Variants in CCDC3 observed in about 807,000 individuals in gnomAD.
CCDC3 encodes coiled-coil domain-containing protein 3.
CCDC3 carries 24 observed loss-of-function variants against 21.4 expected under a neutral mutation model. The observed-to-expected ratio is 1.12, with a 90% CI of 0.81 to 1.58. The LOEUF (loss-of-function observed/expected upper bound fraction) is 1.58, where lower values mean the gene tolerates loss of function less well. Among genes scored for constraint, CCDC3 ranks in the 40% most tolerant of loss-of-function variants. The probability of loss-of-function intolerance (pLI) is 0.00; values close to 1 mark genes in which losing one functional copy is unlikely to be tolerated. For synonymous variants in CCDC3, 186 were observed against 166.0 expected, an observed-to-expected ratio of 1.12 and a Z score of -0.93; for missense variants, 425 against 360.9, an observed-to-expected ratio of 1.18 and a Z score of -1.44.
chr10:12,990,446 A>T (rs1835664465), intron 2 of CCDC3, among the ~76,000 whole-genome samples: 1 of 152,224 alleles, frequency 6.6e-6, no homozygotes, highest in Non-Finnish European at 1.5e-5. Flanking sequence ...TTTCTTCATG[A>T]AACACTATTT....
In CCDC3 at chr10:12,913,220, C is replaced by CAT. The variant is rs1564280874; in HGVS notation, c.550-14542_550-14541insAT. On this transcript the variant is annotated intron_variant, in intron 2 of 2. Coordinates refer to ENST00000378825, the MANE Select transcript of CCDC3 (RefSeq NM_031455.4). Reference sequence around the variant, plus strand: ...ACAATATTCTTCTAATCTATGAGCACAGGATATCTTCCCATTTATTTGTAT... The same window carrying CAT: ...ACAATATTCTTCTAATCTATGAGCACATAGGATATCTTCCCATTTATTTGTAT... Among the ~76,000 whole-genome samples the CAT allele has an allele frequency of 1.5e-4, 23 of 152,180 alleles. No homozygotes were observed. The East Asian group carries it at 4.1e-3, about 27-fold the overall frequency.
intron 2 of CCDC3, among the ~76,000 whole-genome samples, chr10:12,970,715 G>C (rs560352020): frequency 6.6e-6 from 1 of 152,092 alleles, no homozygotes; most frequent in East Asian, 1.9e-4. Context: ...GTGAAACCCT[G>C]TCTTTACCAA....
intron 4 of CCDC3, among the ~76,000 whole-genome samples, chr10:13,060,155 A>G (rs1294300082): frequency 2.2e-5 from 2 of 90,100 alleles, no homozygotes; most frequent in Non-Finnish European, 4.6e-5. Flanking sequence ...CATCAGAAAC[A>G]AAACAAAACA....
intron 2 of CCDC3, among the ~76,000 whole-genome samples, chr10:12,967,507 T>C (rs914944797): frequency 2.0e-5 from 3 of 151,952 alleles, no homozygotes; most frequent in Non-Finnish European, 4.4e-5. Flanking sequence ...ATTCTGGAGC[T>C]GAAAAATACA....
intron 5 of CCDC3, among the ~76,000 whole-genome samples, chr10:13,024,827 G>A (rs577596044): frequency 7.2e-5 from 11 of 152,214 alleles, no homozygotes; most frequent in Non-Finnish European, 1.0e-4. Flanking sequence ...CAAGGCAACC[G>A]TTCTGTTACT....
chr10:13,015,649 C>T (rs975626094), intron 5 of CCDC3, among the ~76,000 whole-genome samples: 2 of 152,024 alleles, frequency 1.3e-5, no homozygotes, highest in African/African-American at 4.8e-5. Flanking sequence ...ATTAAATCAA[C>T]CCAAACTCAT....
At chr10:13,006,418 A>G (rs1038661241), upstream of CCDC3, among the ~76,000 whole-genome samples, 1 of 152,226 alleles carries the variant, frequency 6.6e-6, no homozygotes, top group Admixed American at 6.5e-5. Flanking sequence ...GTCTTCAGTC[A>G]TTCTTCAAGA....
intron 2 of CCDC3, among the ~76,000 whole-genome samples, chr10:12,972,865 G>C (rs116799365): frequency 0.032 from 4,930 of 152,226 alleles, 281 homozygotes; most frequent in African/African-American, 0.11. Flanking sequence ...AACCAGTTTG[G>C]TGTGGTTTCT....
chr10:13,048,904 T>A (rs1054551156), intron 5 of CCDC3, among the ~76,000 whole-genome samples: 3 of 152,206 alleles, frequency 2.0e-5, no homozygotes, highest in Admixed American at 6.5e-5. Flanking sequence ...GTCTTTTTTT[T>A]AATCATCTGG....
At chr10:12,899,056 G>A (rs1403371874) in intron 2 of CCDC3, among the ~76,000 whole-genome samples, 1 of 152,096 alleles carries the variant, frequency 6.6e-6, no homozygotes, top group African/African-American at 2.4e-5. Flanking sequence ...GAGTCAGGTG[G>A]CCTAATTAAC....
At chr10:13,040,277 C>G (rs938585414) in intron 5 of CCDC3, among the ~76,000 whole-genome samples, 1 of 152,100 alleles carries the variant, frequency 6.6e-6, no homozygotes, top group African/African-American at 2.4e-5. Flanking sequence ...TTAAATTCCA[C>G]GAAGAATTTA....
Position 12,898,309 on chromosome 10 carries a change from A to G in CCDC3, c.*107T>C. ...TTTAGACTCTACCAAATGCGTGATT[A>G]AAAACAAAAACTCTTACAACCCTTG... On this transcript the variant is annotated 3_prime_UTR_variant, in exon 3 of 3. Transcript: ENST00000378825. 1 of 1,254,582 alleles carries G rather than the reference A, an allele frequency of 8.0e-7. No homozygotes were observed. The highest frequency in any genetic ancestry group is 2.5e-5 in the East Asian group (1 of 39,630). 77.7% of individuals were successfully genotyped at this position (1,254,582 alleles called of 1,614,324 possible).
At chr10:13,033,075 A>G (rs1589045988) in intron 5 of CCDC3, among the ~76,000 whole-genome samples, 1 of 152,226 alleles carries the variant, frequency 6.6e-6, no homozygotes, top group Non-Finnish European at 1.5e-5. Context: ...GCATCATGCT[A>G]CCTGACTTCA....
At chr10:13,075,268 G>A (rs904241725) in intron 3 of CCDC3, among the ~76,000 whole-genome samples, 12 of 152,166 alleles carry the variant, frequency 7.9e-5, no homozygotes, top group African/African-American at 2.9e-4. Context: ...ACAACTTTTT[G>A]TTTTGCGTAT....
At chr10:13,001,107 C>T in intron 1 of CCDC3, 90 bp downstream of exon 1, 9 of 1,459,062 alleles carry the variant, frequency 6.2e-6, no homozygotes, top group Non-Finnish European at 8.2e-6. Flanking sequence ...ACAGGCTGCC[C>T]GGGGAGTTAC....
At chr10:12,986,580 C>G (rs966311933) in intron 2 of CCDC3, among the ~76,000 whole-genome samples, 4 of 152,154 alleles carry the variant, frequency 2.6e-5, no homozygotes, top group African/African-American at 9.7e-5. Flanking sequence ...GGAAACCACT[C>G]TAGCTAACAT....
intron 2 of CCDC3, among the ~76,000 whole-genome samples, chr10:12,909,275 C>T (rs891595126): frequency 6.6e-6 from 1 of 152,332 alleles, no homozygotes; most frequent in Middle Eastern, 3.4e-3. Flanking sequence ...ACATTCATGG[C>T]CACTGACCAT....
At chr10:12,972,314 C>A (rs1835355999) in intron 2 of CCDC3, among the ~76,000 whole-genome samples, 1 of 152,216 alleles carries the variant, frequency 6.6e-6, no homozygotes, top group South Asian at 2.1e-4. Flanking sequence ...CCTGGAGACT[C>A]ATCCCTGCCA....
intron 5 of CCDC3, among the ~76,000 whole-genome samples, chr10:13,010,004 T>C (rs1835965893): frequency 6.6e-6 from 1 of 152,184 alleles, no homozygotes; most frequent in African/African-American, 2.4e-5. Context: ...TCCCAGCACT[T>C]TGGGAGGCTG....
Sources: gnomAD v4.1 joint callset for allele counts (sites outside exome capture counted in the v4.1 genomes callset) on GRCh38, gnomAD v4.1.1 for gene constraint, MANE v1.5 for transcripts, NCBI Gene and HGNC (gene_info 2026-07-23, HGNC 2026-07-21) for gene names.